Variants in ZNRF1 observed in about 807,000 individuals in gnomAD.
ZNRF1 encodes the protein zinc and ring finger 1.
A neutral mutation model predicts 18.4 loss-of-function variants in ZNRF1; 3 were observed. The ratio of observed to expected loss-of-function variants is 0.16; its 90% CI spans 0.07 to 0.42. ZNRF1 has a LOEUF of 0.42. Ranked by LOEUF, ZNRF1 falls within the 10% of genes least tolerant of loss-of-function variation. The pLI is 0.99. For synonymous variants in ZNRF1, 157 were observed against 144.2 expected (o/e 1.09, Z -0.64); for missense variants, 310 against 329.8 (o/e 0.94, Z 0.47).
intron 1 of ZNRF1, among the ~76,000 whole-genome samples, chr16:75,065,682 T>C (rs188293944): frequency 6.6e-6 from 1 of 152,250 alleles, no homozygotes; most frequent in Non-Finnish European, 1.5e-5. Context: ...TCCTTCCTTA[T>C]GCTTATGCAA....
At chr16:75,063,275 A>G (rs977475042) in intron 1 of ZNRF1, among the ~76,000 whole-genome samples, 1 of 152,072 alleles carries the variant, frequency 6.6e-6, no homozygotes, top group African/African-American at 2.4e-5. Context: ...CATTCCTCCT[A>G]CCCTGATCTG....
chr16:75,098,166 T>G (rs2036220194), intron 2 of ZNRF1, among the ~76,000 whole-genome samples: 1 of 152,226 alleles, frequency 6.6e-6, no homozygotes, highest in African/African-American at 2.4e-5. Context: ...TCACCCAGGG[T>G]GTCCAGCTGT....
chr16:75,010,743 G>A (rs12921257), intron 1 of ZNRF1, among the ~76,000 whole-genome samples: 38,462 of 122,870 alleles, frequency 0.31, 6,747 homozygotes, highest in East Asian at 0.62. Context: ...GAGGAGTCTC[G>A]CTCTGTCACC....
intron 2 of ZNRF1, chr16:75,095,710 A>G: frequency 6.5e-7 from 1 of 1,548,436 alleles, no homozygotes; most frequent in Non-Finnish European, 8.7e-7. Context: ...CCATGGCCCA[A>G]ATGCAGAGTT....
chr16:75,074,931 A>G (rs2035919616), intron 1 of ZNRF1, among the ~76,000 whole-genome samples: 1 of 152,216 alleles, frequency 6.6e-6, no homozygotes, highest in Non-Finnish European at 1.5e-5. Context: ...AAAATATTGA[A>G]TAAATGTATT....
At chr16:75,030,671 A>C (rs1366398876) in intron 1 of ZNRF1, among the ~76,000 whole-genome samples, 3 of 152,100 alleles carry the variant, frequency 2.0e-5, no homozygotes. Flanking sequence ...TCCCCTACCC[A>C]AGACAACCAC....
chr16:75,087,570 CTT>C (rs1350744916), intron 1 of ZNRF1, among the ~76,000 whole-genome samples: 3 of 152,174 alleles, frequency 2.0e-5, no homozygotes, highest in Non-Finnish European at 4.4e-5. Context: ...CTTGGCTTCT[CTT>C]GATTGGAAGT....
intron 1 of ZNRF1, among the ~76,000 whole-genome samples, chr16:75,066,395 C>T (rs1010041329): frequency 2.6e-5 from 4 of 152,208 alleles, no homozygotes; most frequent in South Asian, 4.1e-4. Flanking sequence ...AAAACAAATT[C>T]GATGAGTTCA....
chr16:75,045,015 C>T (rs930242884), intron 1 of ZNRF1, among the ~76,000 whole-genome samples: 7 of 152,112 alleles, frequency 4.6e-5, no homozygotes, highest in Non-Finnish European at 8.8e-5. Flanking sequence ...AGCTGCTGCC[C>T]CTGTCCTTTT....
intron 1 of ZNRF1, among the ~76,000 whole-genome samples, chr16:75,068,188 T>TAA (rs57755915): frequency 4.4e-4 from 39 of 88,950 alleles, no homozygotes; most frequent in South Asian, 2.7e-3. Flanking sequence ...GACCTTGTCT[T>TAA]AAAAAAAAAA....
intron 1 of ZNRF1, among the ~76,000 whole-genome samples, chr16:75,040,743 A>C (rs1162348021): frequency 6.6e-6 from 1 of 150,418 alleles, no homozygotes; most frequent in Non-Finnish European, 1.5e-5. Flanking sequence ...AGTAGCTGGG[A>C]TTATGGGTGC....
chr16:75,002,459 TATG>T (rs1286109915), intron 1 of ZNRF1: 3 of 152,238 alleles, frequency 2.0e-5, no homozygotes, highest in Admixed American at 1.3e-4. Flanking sequence ...TGGAAGTTGA[TATG>T]ATATGTTTGC....
intron 1 of ZNRF1, chr16:75,000,510 A>G: frequency 3.0e-6 from 1 of 334,114 alleles, no homozygotes; most frequent in Non-Finnish European, 5.9e-6. Flanking sequence ...TCCTAAACAG[A>G]GTGTGTGAAA....
intron 2 of ZNRF1, among the ~76,000 whole-genome samples, chr16:75,094,006 G>A (rs1372669673): frequency 6.6e-6 from 1 of 152,218 alleles, no homozygotes; most frequent in Non-Finnish European, 1.5e-5. Flanking sequence ...ACTGTGGAAG[G>A]CCCCAAGACA....
Position 75,040,042 on chromosome 16 carries a change from C to CTTTTTTTTTT in ZNRF1, c.424+39964_424+39973dup, listed in dbSNP as rs57122648. 2.4e-3 allele frequency among the ~76,000 whole-genome samples: 190 copies of CTTTTTTTTTT among 78,836 alleles called. 5 individuals carry two copies. Among genetic ancestry groups the CTTTTTTTTTT allele is most frequent in the African/African-American group, 9.1e-3 (165 of 18,118 alleles). The allele number at this position is 78,836 out of a possible 152,430, so 51.7% of individuals were successfully genotyped here. A position where few individuals can be genotyped will look rare whatever the true frequency, so the allele number is the denominator to read the frequency against. On this transcript the variant is annotated intron_variant, in intron 1 of 4. Coordinates refer to ENST00000335325, the MANE Select transcript of ZNRF1 (RefSeq NM_032268.5). Reference sequence around the variant, plus strand: ...AATCTTTTGTTTCTTTCTTTTCTTTCTTTTTTTTTTTTTTTTTTTTTTTTT... The same window carrying CTTTTTTTTTT: ...AATCTTTTGTTTCTTTCTTTTCTTTCTTTTTTTTTTTTTTTTTTTTTTTTTTTTTTTTTTT...
At chr16:75,046,471 C>G (rs941273275) in intron 1 of ZNRF1, among the ~76,000 whole-genome samples, 9 of 151,734 alleles carry the variant, frequency 5.9e-5, no homozygotes, top group African/African-American at 1.9e-4. Flanking sequence ...AGGTTGATCC[C>G]GAACTCCTGA....
intron 1 of ZNRF1, among the ~76,000 whole-genome samples, chr16:75,021,123 G>A (rs774295001): frequency 1.3e-5 from 2 of 152,182 alleles, no homozygotes; most frequent in Admixed American, 6.5e-5. Flanking sequence ...TCAGTGCAAC[G>A]TCCACCTCCC....
intron 1 of ZNRF1, among the ~76,000 whole-genome samples, chr16:75,063,087 C>G (rs1017883261): frequency 6.6e-6 from 1 of 152,234 alleles, no homozygotes; most frequent in Non-Finnish European, 1.5e-5. Context: ...GCATAAGCCT[C>G]ACTTTACGAG....
intron 1 of ZNRF1, among the ~76,000 whole-genome samples, chr16:75,021,149 T>C (rs1316589461): frequency 1.3e-5 from 2 of 152,202 alleles, no homozygotes. Flanking sequence ...CAAGTGATTC[T>C]CCTGCCTCAG....
Sources: allele counts gnomAD v4.1 joint callset (sites outside exome capture counted in the v4.1 genomes callset), GRCh38; gene constraint gnomAD v4.1.1; transcripts MANE v1.5; gene names NCBI Gene and HGNC (gene_info 2026-07-23, HGNC 2026-07-21).